LINC00632: variants seen among roughly 807,000 people sequenced by gnomAD.
The protein encoded by LINC00632 is long independently transcribed non-coding RNA 632.
intron 3 of LINC00632, among the ~76,000 whole-genome samples, chrX:140,765,931 A>G (rs1931683568): frequency 8.9e-6 from 1 of 112,322 alleles, no homozygotes; most frequent in Admixed American, 9.5e-5. Flanking sequence ...GGAGAAGATC[A>G]GGAAACGATT....
intron 2 of LINC00632, among the ~76,000 whole-genome samples, chrX:140,730,946 G>A (rs1196089892): frequency 9.1e-6 from 1 of 109,391 alleles, no homozygotes; most frequent in African/African-American, 3.3e-5. Flanking sequence ...CTGCTGCCCA[G>A]GCTGGAGTGC....
chrX:140,716,258 G>A (rs768808772), intron 2 of LINC00632: 3 of 111,509 alleles, frequency 2.7e-5, no homozygotes, highest in African/African-American at 9.8e-5. Context: ...TTTGAATCAA[G>A]GTCCCGTCCC....
chrX:140,715,300 C>T (rs770762801), intron 2 of LINC00632, among the ~76,000 whole-genome samples: 3 of 111,542 alleles, frequency 2.7e-5, no homozygotes, highest in Non-Finnish European at 5.7e-5. Context: ...ATTTACTTCA[C>T]ACACAAAAAA....
At chrX:140,718,314 T>C (rs73590123) in intron 2 of LINC00632, among the ~76,000 whole-genome samples, 11,962 of 110,017 alleles carry the variant, frequency 0.11, 820 homozygotes, top group African/African-American at 0.26. Context: ...CAACCCACAA[T>C]GCATAGAATA....
At chrX:140,724,697 T>C (rs1419729530) in intron 2 of LINC00632, among the ~76,000 whole-genome samples, 93 of 18,137 alleles carry the variant, frequency 5.1e-3, no homozygotes, top group African/African-American at 0.016. Context: ...CACAGACACA[T>C]CCAGTACACA....
At chrX:140,777,422 C>T (rs920863534) in exon 5 of LINC00632, among the ~76,000 whole-genome samples, 3 of 112,401 alleles carry the variant, frequency 2.7e-5, no homozygotes, top group South Asian at 3.6e-4. Flanking sequence ...ATCTAGGATT[C>T]GCCACAGTTC....
At chrX:140,721,687 C>T (rs1032211975) in intron 2 of LINC00632, among the ~76,000 whole-genome samples, 14 of 110,859 alleles carry the variant, frequency 1.3e-4, no homozygotes, top group Non-Finnish European at 2.5e-4. Context: ...CACCACATGG[C>T]GTGCTCCATA....
At chrX:140,753,764 C>CTTTT (rs1931447041) in intron 3 of LINC00632, among the ~76,000 whole-genome samples, 2 of 75,448 alleles carry the variant, frequency 2.7e-5, no homozygotes, top group South Asian at 6.2e-4. Context: ...TTCTTTCTTT[C>CTTTT]TTTCTTTTTT....
chrX:140,780,784 C>T (rs1931922934), exon 5 of LINC00632, among the ~76,000 whole-genome samples: 1 of 111,507 alleles, frequency 9.0e-6, no homozygotes, highest in Admixed American at 9.6e-5. Context: ...TAGTGTTATT[C>T]AGAATCCTAA....
At chrX:140,766,358 TG>T (rs957913436) in intron 3 of LINC00632, among the ~76,000 whole-genome samples, 2 of 112,412 alleles carry the variant, frequency 1.8e-5, no homozygotes, top group African/African-American at 6.5e-5. Context: ...TATTAAAAAC[TG>T]ATGGATGTCT....
chrX:140,749,350 T>C (rs964417703), intron 3 of LINC00632, among the ~76,000 whole-genome samples: 5 of 112,193 alleles, frequency 4.5e-5, no homozygotes, highest in African/African-American at 1.6e-4. Flanking sequence ...TCTGTAATCA[T>C]CCTGAGTAAC....
intron 3 of LINC00632, among the ~76,000 whole-genome samples, chrX:140,767,927 G>C (rs921783655): frequency 9.0e-6 from 1 of 111,449 alleles, no homozygotes; most frequent in Admixed American, 9.5e-5. Flanking sequence ...TATTCATGAC[G>C]GTGGAGCCTA....
rs201313798 is a variant in LINC00632 at position 140,723,529 on chromosome X, TACAC to T, written n.105-10339_105-10336del. On this transcript the variant is annotated intron_variant and non_coding_transcript_variant, in intron 2 of 4. Coordinates refer to ENST00000648200, the Ensembl canonical transcript of LINC00632. ...ACATTCCATACACACAAACATTCCA[TACAC>T]ACACACACATTCCATACACATACAC... 1.1e-4 allele frequency among the ~76,000 whole-genome samples: 6 copies of T among 55,299 alleles called. 1 individual carries two copies. Among genetic ancestry groups the T allele is most frequent in the Admixed American group, 5.4e-4 (3 of 5,586 alleles). 48.0% of individuals were successfully genotyped at this position (55,299 alleles called of 115,157 possible). A position where few individuals can be genotyped will look rare whatever the true frequency, so the allele number is the denominator to read the frequency against.
exon 5 of LINC00632, chrX:140,783,865 T>C: frequency 1.7e-6 from 2 of 1,210,648 alleles, no homozygotes; most frequent in Non-Finnish European, 1.1e-6. Flanking sequence ...AATCCACGTC[T>C]TCCCAACAAT....
At position 140,784,510 on chromosome X, in the gene LINC00632, CGTCTTCCAGCATCTCTGT is replaced by C. The variant is rs758180033; in HGVS notation, n.12544_12561del. 50 of 656,028 alleles carry C rather than the reference CGTCTTCCAGCATCTCTGT, an allele frequency of 7.6e-5. No homozygotes were observed. The South Asian group carries it at 1.2e-3, about 16-fold the overall frequency. The allele number at this position is 656,028 out of a possible 1,213,427, so 54.1% of individuals were successfully genotyped here. A position where few individuals can be genotyped will look rare whatever the true frequency, so the allele number is the denominator to read the frequency against. ...ATCTGCTCGTCTTCCAACATCTCCA[CGTCTTCCAGCATCTCTGT>C]GTCTTCCAGCATCTTCATGTCTTCC... On this transcript the variant is annotated non_coding_transcript_exon_variant, in exon 5 of 5. Coordinates refer to ENST00000648200, the Ensembl canonical transcript of LINC00632.
chrX:140,761,090 A>G (rs1010224285), intron 3 of LINC00632, among the ~76,000 whole-genome samples: 1 of 110,124 alleles, frequency 9.1e-6, no homozygotes, highest in African/African-American at 3.3e-5. Context: ...CAGCCTGGGA[A>G]CAATGATCTG....
intron 2 of LINC00632, chrX:140,713,842 A>C (rs1412947718): frequency 3.3e-6 from 1 of 306,769 alleles, no homozygotes; most frequent in Non-Finnish European, 6.3e-6. Flanking sequence ...TTGCCCCCCC[A>C]TAAGGACTCT....
exon 5 of LINC00632, chrX:140,783,659 G>A (rs200568561): frequency 8.3e-7 from 1 of 1,210,723 alleles, no homozygotes; most frequent in South Asian, 1.8e-5. Context: ...AAGAAATCCA[G>A]GTCTTCCAGT....
chrX:140,713,394 T>C, intron 2 of LINC00632: 3 of 282,516 alleles, frequency 1.1e-5, no homozygotes, highest in Non-Finnish European at 2.1e-5. Flanking sequence ...TGCATGACTG[T>C]GGGACGGGTT....
Sources: allele counts gnomAD v4.1 joint callset (sites outside exome capture counted in the v4.1 genomes callset), GRCh38; gene constraint gnomAD v4.1.1; transcripts MANE v1.5; gene names NCBI Gene and HGNC (gene_info 2026-07-23, HGNC 2026-07-21).